The following SHOX variants were observed in gnomAD, a reference collection of about 807,000 sequenced individuals.
The protein encoded by SHOX is SHOX homeobox.
In SHOX, 12 loss-of-function variants were observed where a neutral mutation model predicts 29.6. That is an observed-to-expected ratio of 0.41 (90% CI 0.26 to 0.66). The LOEUF (loss-of-function observed/expected upper bound fraction) is 0.66, where lower values mean the gene tolerates loss of function less well. Ranked by LOEUF, SHOX falls within the 30% of genes least tolerant of loss-of-function variation. SHOX has a pLI of 0.35. For synonymous variants in SHOX, 214 were observed against 200.6 expected (o/e 1.07, Z -0.57); for missense variants, 499 against 437.7 (o/e 1.14, Z -1.25).
At chrX:657,671 T>G (rs1290492480) in intron 5 of SHOX, among the ~76,000 whole-genome samples, 1 of 152,210 alleles carries the variant, frequency 6.6e-6, no homozygotes, top group East Asian at 1.9e-4. Flanking sequence ...AAAAACCTTC[T>G]CTTTCCCCAG....
chrX:638,578 T>C (rs2052796647), intron 2 of SHOX, among the ~76,000 whole-genome samples: 1 of 152,210 alleles, frequency 6.6e-6, no homozygotes, highest in African/African-American at 2.4e-5. Context: ...GATCAGGTTC[T>C]CCAGGCGCAC....
At position 657,672 on chromosome X, in the gene SHOX, C is replaced by A. The variant is rs2053166243; in HGVS notation, c.634-1113C>A. On this transcript the variant is annotated intron_variant, in intron 5 of 5. Transcript: ENST00000334060. ...ATGCAAAGATGTACAAAAACCTTCT[C>A]TTTCCCCAGGGAACCGTAACCCGTC... 2.6e-5 allele frequency among the ~76,000 whole-genome samples: 4 copies of A among 152,202 alleles called. 1 individual carries two copies. The highest frequency in any genetic ancestry group is 4.1e-4 in the South Asian group (2 of 4,832).
chrX:651,526 C>G lies in SHOX; in HGVS notation c.*6890C>G. ...AACAGACTGTATTTTTGTGACGCCC[C>G]GTAGTATGAATGTACATCTTGTAAA... is the stretch of plus-strand genomic sequence containing the variant. On this transcript the variant is annotated 3_prime_UTR_variant, in exon 5 of 5. Transcript: ENST00000686671. 2.6e-6 allele frequency: 1 copy of G among 385,520 alleles called. No homozygotes were observed. Among genetic ancestry groups the G allele is most frequent in the Non-Finnish European group, 5.1e-6 (1 of 195,794 alleles). 23.9% of individuals were successfully genotyped at this position (385,520 alleles called of 1,614,324 possible).
intron 1 of SHOX, among the ~76,000 whole-genome samples, chrX:624,903 TCTC>T (rs1215059681): frequency 2.7e-4 from 16 of 58,752 alleles, no homozygotes; most frequent in South Asian, 6.1e-4. Context: ...TCTTTCTTTC[TCTC>T]TTCCTTTCTT....
At chrX:651,980 G>T (rs185991623), downstream of SHOX, among the ~76,000 whole-genome samples, 24 of 152,098 alleles carry the variant, frequency 1.6e-4, no homozygotes, top group East Asian at 5.8e-4. Context: ...AGGAGTGCAG[G>T]GGCGCGATCT....
rs1156730997 is a variant in SHOX at position 631,183 on chromosome X, C to T, written c.277+9C>T. 1 of 1,612,254 alleles carries T rather than the reference C, an allele frequency of 6.2e-7. No individual in the cohort carries two copies. Among genetic ancestry groups the T allele is most frequent in the Admixed American group, 1.7e-5 (1 of 59,988 alleles). Reference sequence around the variant, plus strand: ...CGCGAGAGTGGCAGAAGGTAAGTTCCTTTGCGCTCCGGCTCCAGGGGGGCC... The same window carrying T: ...CGCGAGAGTGGCAGAAGGTAAGTTCTTTTGCGCTCCGGCTCCAGGGGGGCC... On this transcript the variant is annotated intron_variant, in intron 1 of 4. Transcript: ENST00000686671.
chrX:652,339 A>ATTTTTT (rs1220969889), downstream of SHOX, among the ~76,000 whole-genome samples: 165 of 87,106 alleles, frequency 1.9e-3, 3 homozygotes, highest in South Asian at 0.012. Flanking sequence ...AAAAATGACA[A>ATTTTTT]ATTTTTTTTT....
In SHOX at chrX:649,808, C is replaced by G. The variant is rs2053026319; in HGVS notation, c.*5172C>G. On this transcript the variant is annotated 3_prime_UTR_variant, in exon 5 of 5. Transcript: ENST00000686671. The stretch of plus-strand genomic sequence containing the variant: ...TTCCCTCCTCTCCCCAAAACTTGGC[C>G]AAATAGTCCGTGGAGGGTTGTCAGT... 2.3e-6 allele frequency: 1 copy of G among 427,840 alleles called. No individual in the cohort carries two copies. Among genetic ancestry groups the G allele is most frequent in the Non-Finnish European group, 4.7e-6 (1 of 213,700 alleles). 26.5% of individuals were successfully genotyped at this position (427,840 alleles called of 1,614,324 possible).
At chrX:625,854 A>G (rs1281722550), upstream of SHOX, among the ~76,000 whole-genome samples, 2 of 84,664 alleles carry the variant, frequency 2.4e-5, no homozygotes, top group African/African-American at 5.0e-5. Context: ...CTGTCTCTGT[A>G]TCTCTGTCTA....
chrX:645,110 C>T lies in SHOX; in HGVS notation c.*474C>T, dbSNP rs1271862840. The T allele has an allele frequency of 6.5e-6, 1 of 154,506 alleles. No individual in the cohort carries two copies. Among genetic ancestry groups the T allele is most frequent in the African/African-American group, 2.4e-5 (1 of 41,558 alleles). 9.6% of individuals were successfully genotyped at this position (154,506 alleles called of 1,614,324 possible). ...ATGCTCCTTCCTTCATCCCGAGAGG[C>T]TGCGGAACGGGTGTGGATTTGAATG... On this transcript the variant is annotated 3_prime_UTR_variant, in exon 5 of 5. Coordinates refer to ENST00000686671, the MANE Select transcript of SHOX (RefSeq NM_000451.4).
chrX:634,151 C>T (rs1409593455), intron 1 of SHOX, among the ~76,000 whole-genome samples: 1 of 152,166 alleles, frequency 6.6e-6, no homozygotes, highest in Non-Finnish European at 1.5e-5. Flanking sequence ...CGGAGGGACC[C>T]CCAGCCCTCC....
chrX:627,324 G>T (rs2052555994), upstream of SHOX, among the ~76,000 whole-genome samples: 1 of 152,094 alleles, frequency 6.6e-6, no homozygotes, highest in Non-Finnish European at 1.5e-5. Flanking sequence ...TTTCTAACAT[G>T]TTATCAAGCA....
chrX:644,944 T>A lies in SHOX; in HGVS notation c.*308T>A. 1 of 408,470 alleles carries A rather than the reference T, an allele frequency of 2.4e-6. No homozygotes were observed. Among genetic ancestry groups the A allele is most frequent in the Non-Finnish European group, 4.3e-6 (1 of 232,494 alleles). 25.3% of individuals were successfully genotyped at this position (408,470 alleles called of 1,614,324 possible). ...AAGGGTAAACCCCCGCCTGGCTGCGTCTTCCTCTGCTATACCCTATGCATG... is the reference window on the plus strand; with the variant it reads ...AAGGGTAAACCCCCGCCTGGCTGCGACTTCCTCTGCTATACCCTATGCATG... On this transcript the variant is annotated 3_prime_UTR_variant, in exon 5 of 5. Transcript: ENST00000686671.
chrX:632,829 G>T (rs1273477440), intron 1 of SHOX, among the ~76,000 whole-genome samples: 1 of 152,182 alleles, frequency 6.6e-6, no homozygotes, highest in African/African-American at 2.4e-5. Context: ...GCAAGGCTGG[G>T]AGCCGCTTGA....
chrX:658,811 C>T (rs1429241596), exon 6 of SHOX: 3 of 406,530 alleles, frequency 7.4e-6, no homozygotes, highest in Non-Finnish European at 1.5e-5. Flanking sequence ...GTCGCCCGGG[C>T]TGGAGTATAA....
At chrX:631,811 C>G (rs759373961) in intron 1 of SHOX, 15 of 441,566 alleles carry the variant, frequency 3.4e-5, no homozygotes, top group Non-Finnish European at 6.5e-5. Flanking sequence ...GGATGACAGG[C>G]GTGAGGCACC....
At chrX:634,955 G>A in intron 2 of SHOX, 129 bp downstream of exon 2, 1 of 992,386 alleles carries the variant, frequency 1.0e-6, no homozygotes, top group Non-Finnish European at 1.5e-6. Context: ...GAGGTTGGGT[G>A]AGGGACGGGC....
rs183343658 is a variant in SHOX, at chrX:644,949, C to T, written c.*313C>T. ...TAAACCCCCGCCTGGCTGCGTCTTC[C>T]TCTGCTATACCCTATGCATGCGGTT... is the stretch of plus-strand genomic sequence containing the variant. On this transcript the variant is annotated 3_prime_UTR_variant, in exon 5 of 5. Transcript: ENST00000686671. The T allele has an allele frequency of 1.6e-3, 658 of 400,804 alleles. 5 individuals are homozygous for T. Among genetic ancestry groups the T allele is most frequent in the African/African-American group, 6.8e-3 (323 of 47,478 alleles). 24.8% of individuals were successfully genotyped at this position (400,804 alleles called of 1,614,324 possible).
At chrX:629,885 G>A (rs1200041355), upstream of SHOX, among the ~76,000 whole-genome samples, 2 of 152,196 alleles carry the variant, frequency 1.3e-5, no homozygotes, top group Admixed American at 6.5e-5. Flanking sequence ...AGCGAGAGGC[G>A]GGAGGGAGCG....
Sources: allele counts gnomAD v4.1 joint callset (sites outside exome capture counted in the v4.1 genomes callset), GRCh38; gene constraint gnomAD v4.1.1; transcripts MANE v1.5; gene names NCBI Gene and HGNC (gene_info 2026-07-23, HGNC 2026-07-21).